The following ZNF774 variants were observed in gnomAD, a reference collection of about 807,000 sequenced individuals.
ZNF774 encodes zinc finger protein 774.
ZNF774 carries 14 observed loss-of-function variants against 11.1 expected under a neutral mutation model. The observed-to-expected ratio is 1.26, with a 90% CI of 0.83 to 1.97. The LOEUF (loss-of-function observed/expected upper bound fraction) is 1.97. Among genes scored for constraint, ZNF774 ranks in the 30% most tolerant of loss-of-function variants. The pLI, the probability that ZNF774 is intolerant of heterozygous loss-of-function variation, is 0.00. For missense variants in ZNF774, 599 were observed against 587.0 expected (o/e 1.02, Z -0.21); for synonymous variants, 195 against 212.6 (o/e 0.92, Z 0.72).
intron 1 of ZNF774, among the ~76,000 whole-genome samples, chr15:90,352,893 TC>T (rs540515868): frequency 6.6e-6 from 1 of 152,106 alleles, no homozygotes; most frequent in Non-Finnish European, 1.5e-5. Context: ...TCTCCCCTCC[TC>T]AGTGGCGCTG....
chr15:90,361,348 C>T lies in ZNF774; in HGVS notation c.*65C>T. ...TCATTGCTACTGTCTTCAAGCACCC[C>T]AAATAGAGAAAACCTGGGCGTCAGT... On this transcript the variant is annotated 3_prime_UTR_variant, in exon 4 of 4. Transcript: ENST00000354377. The T allele has an allele frequency of 1.3e-6, 2 of 1,512,896 alleles. No homozygotes were observed. Among genetic ancestry groups the T allele is most frequent in the East Asian group, 4.5e-5 (2 of 44,184 alleles). 93.7% of individuals were successfully genotyped at this position (1,512,896 alleles called of 1,614,324 possible). A position where few individuals can be genotyped will look rare whatever the true frequency, so the allele number is the denominator to read the frequency against.
At chr15:90,354,251 A>G (rs1020241289) in intron 1 of ZNF774, among the ~76,000 whole-genome samples, 4 of 152,214 alleles carry the variant, frequency 2.6e-5, no homozygotes, top group African/African-American at 9.6e-5. Flanking sequence ...AGTTAAGGCC[A>G]CAATTTCCTT....
chr15:90,355,912 C>G (rs1459854320), intron 2 of ZNF774, among the ~76,000 whole-genome samples: 1 of 149,760 alleles, frequency 6.7e-6, no homozygotes, highest in African/African-American at 2.5e-5. Flanking sequence ...ACCTGTAGTC[C>G]CAGCTACTCG....
At position 90,362,475 on chromosome 15, in the gene ZNF774, T is replaced by C; in HGVS notation, c.*1192T>C. 7.1e-7 allele frequency: 1 copy of C among 1,406,228 alleles called. No homozygotes were observed. The highest frequency in any genetic ancestry group is 9.7e-7 in the Non-Finnish European group (1 of 1,029,736). 87.1% of individuals were successfully genotyped at this position (1,406,228 alleles called of 1,614,324 possible). A position where few individuals can be genotyped will look rare whatever the true frequency, so the allele number is the denominator to read the frequency against. On this transcript the variant is annotated 3_prime_UTR_variant, in exon 4 of 4. Coordinates refer to ENST00000354377, the MANE Select transcript of ZNF774 (RefSeq NM_001004309.3). ...CTGGCATTTAGCTGAAGGAAGCAAC[T>C]CTTGTTTTCTAATTTGCTGGGTCAT...
In ZNF774 at chr15:90,358,899, A is replaced by G. The variant is rs1164964733; in HGVS notation, c.153A>G (p.Pro51=). The G allele has an allele frequency of 1.9e-6, 3 of 1,613,474 alleles. No homozygotes were observed. Among genetic ancestry groups the G allele is most frequent in the African/African-American group, 1.3e-5 (1 of 74,880 alleles). Residue 51 remains proline (P), a synonymous_variant, in exon 3 of 4, where the codon CCA becomes CCG. Coordinates refer to ENST00000354377, the MANE Select transcript of ZNF774 (RefSeq NM_001004309.3). The stretch of plus-strand genomic sequence containing the variant: ...CCCAGCCGGAGCAGAAAGAAGAGCC[A>G]TGGGTCCTACCACTCCAAAACTTTG... ...VISQPEQKEE[P]WVLPLQNFEA...
chr15:90,362,786 CTT>C lies in ZNF774; in HGVS notation c.*1505_*1506del. 1 of 483,926 alleles carries C rather than the reference CTT, an allele frequency of 2.1e-6. No homozygotes were observed. The highest frequency in any genetic ancestry group is 3.7e-6 in the Non-Finnish European group (1 of 273,424). 30.0% of individuals were successfully genotyped at this position (483,926 alleles called of 1,614,324 possible). A position where few individuals can be genotyped will look rare whatever the true frequency, so the allele number is the denominator to read the frequency against. ...ACACACACACACACACACACACACA[CTT>C]TGTTGGTTAACTATAAATGTAATAT... On this transcript the variant is annotated 3_prime_UTR_variant, in exon 4 of 4. Transcript: ENST00000354377.
In ZNF774 at chr15:90,361,483, A is replaced by G. The variant is rs1474691624; in HGVS notation, c.*200A>G. The G allele has an allele frequency of 1.5e-6, 2 of 1,366,674 alleles. No individual in the cohort carries two copies. Among genetic ancestry groups the G allele is most frequent in the Middle Eastern group, 2.8e-4 (1 of 3,632 alleles). The allele number at this position is 1,366,674 out of a possible 1,614,324, so 84.7% of individuals were successfully genotyped here. On this transcript the variant is annotated 3_prime_UTR_variant, in exon 4 of 4. Coordinates refer to ENST00000354377, the MANE Select transcript of ZNF774 (RefSeq NM_001004309.3). ...GTCCGAATACAAAAGGCATTCCTTC[A>G]GTGTGTGACTGACTCTTAGGGAAAT...
chr15:90,359,100 C>T, intron 3 of ZNF774, 143 bp downstream of exon 3: 1 of 528,228 alleles, frequency 1.9e-6, no homozygotes. Context: ...GAGTCTCGCT[C>T]TGTCGCCCAG....
At position 90,360,609 on chromosome 15, in the gene ZNF774, GAGA is replaced by G; in HGVS notation, c.781_783del (p.Lys261del). 1 of 1,614,180 alleles carries G rather than the reference GAGA, an allele frequency of 6.2e-7. No homozygotes were observed. The highest frequency in any genetic ancestry group is 8.5e-7 in the Non-Finnish European group (1 of 1,180,034). ...AATGCACCAAAGAACCCACACAGGC[GAGA>G]AGCCCTACGCGTGCCTGGAATGTCA... On this transcript the variant is annotated inframe_deletion, in exon 4 of 4. Coordinates refer to ENST00000354377, the MANE Select transcript of ZNF774 (RefSeq NM_001004309.3).
rs59687959 is a variant in ZNF774, at chr15:90,362,748, T to TAC, written c.*1502_*1503dup. ...CAAGGTTGTTGTGAGGATCTAAAAATACACACACACACACACACACACACA... is the reference window on the plus strand; with the variant it reads ...CAAGGTTGTTGTGAGGATCTAAAAATACACACACACACACACACACACACACA... On this transcript the variant is annotated 3_prime_UTR_variant, in exon 4 of 4. Transcript: ENST00000354377. 0.029 allele frequency: 14,356 copies of TAC among 488,574 alleles called. 149 individuals carry two copies. Among genetic ancestry groups the TAC allele is most frequent in the Middle Eastern group, 0.052 (94 of 1,800 alleles). 30.3% of individuals were successfully genotyped at this position (488,574 alleles called of 1,614,324 possible). A position where few individuals can be genotyped will look rare whatever the true frequency, so the allele number is the denominator to read the frequency against.
intron 2 of ZNF774, among the ~76,000 whole-genome samples, chr15:90,354,980 G>A (rs1964224535): frequency 6.6e-6 from 1 of 152,126 alleles, no homozygotes; most frequent in Admixed American, 6.6e-5. Flanking sequence ...GTTTTTAGTA[G>A]AGACAGGATT....
Position 90,361,038 on chromosome 15 carries a change from T to C in ZNF774, c.1207T>C (p.Tyr403His), listed in dbSNP as rs1349159413. 3.1e-6 allele frequency: 5 copies of C among 1,614,152 alleles called. No individual in the cohort carries two copies. The highest frequency in any genetic ancestry group is 4.2e-6 in the Non-Finnish European group (5 of 1,180,026). Residue 403 changes from tyrosine (Y) to histidine (H), a missense_variant, in exon 4 of 4, where the codon TAC becomes CAC. Coordinates refer to ENST00000354377, the MANE Select transcript of ZNF774 (RefSeq NM_001004309.3). ...ACGAATCCACACCGGAGAAAGACCC[T>C]ACAAATGTGGAGAGTGTGGGAAGAG... is the stretch of plus-strand genomic sequence containing the variant. Reference protein sequence around the residue: ...HQRIHTGERPYKCGECGKSFN... With the variant: ...HQRIHTGERPHKCGECGKSFN...
chr15:90,361,144 A>G lies in ZNF774; in HGVS notation c.1313A>G (p.Lys438Arg). Residue 438 changes from lysine to arginine, a missense_variant, in exon 4 of 4, where the codon AAG (lysine) becomes AGG (arginine). Lys to Arg is a conservative substitution (Grantham distance 26). Coordinates refer to ENST00000354377, the MANE Select transcript of ZNF774 (RefSeq NM_001004309.3). ...CCCTATCGATGTCCTGAGTGTGGCA[A>G]GACCTTCAATCAGCGTTCCCATTTC... ...DRPYRCPECG[K>R]TFNQRSHFLT... 2 of 1,611,086 alleles carry G rather than the reference A, an allele frequency of 1.2e-6. No individual in the cohort carries two copies. Among genetic ancestry groups the G allele is most frequent in the South Asian group, 1.1e-5 (1 of 91,080 alleles).
rs945957364 is a variant in ZNF774 at position 90,361,091 on chromosome 15, C to G, written c.1260C>G (p.Thr420=). 1 of 1,614,002 alleles carries G rather than the reference C, an allele frequency of 6.2e-7. No homozygotes were observed. Among genetic ancestry groups the G allele is most frequent in the Non-Finnish European group, 8.5e-7 (1 of 1,180,022 alleles). ...KSFNQSSHFI[T]HQRIHLGDRP... ...TCAATCAGAGCTCCCACTTTATTACCCATCAGCGAATCCACTTAGGAGACA... is the reference window on the plus strand; with the variant it reads ...TCAATCAGAGCTCCCACTTTATTACGCATCAGCGAATCCACTTAGGAGACA... The change falls in exon 4 of 4, where the codon ACC becomes ACG. Residue 420 remains threonine, a synonymous_variant. Transcript: ENST00000354377.
chr15:90,356,257 T>G (rs1363272769), intron 2 of ZNF774, among the ~76,000 whole-genome samples: 1 of 151,710 alleles, frequency 6.6e-6, no homozygotes, highest in African/African-American at 2.4e-5. Context: ...TTAGTAGAGA[T>G]GGGTTATCTC....
chr15:90,357,006 G>T (rs1345256466), intron 2 of ZNF774, among the ~76,000 whole-genome samples: 1 of 152,012 alleles, frequency 6.6e-6, no homozygotes, highest in African/African-American at 2.4e-5. Context: ...TTTTTAAAAA[G>T]TATTTTTTAT....
rs1298549746 is a variant in ZNF774 at position 90,352,308 on chromosome 15, T to A, written c.-123T>A. 1 of 152,340 alleles carries A rather than the reference T, an allele frequency of 6.6e-6. No homozygotes were observed. Among genetic ancestry groups the A allele is most frequent in the African/African-American group, 2.4e-5 (1 of 41,474 alleles). The allele number at this position is 152,340 out of a possible 1,614,324, so 9.4% of individuals were successfully genotyped here. On this transcript the variant is annotated 5_prime_UTR_variant, in exon 1 of 4. Transcript: ENST00000354377. ...TGTGTCCCCACAGCCCTGTCACGAA[T>A]CCCGGTCGGGTTCTGGGAGGCACAG...
Position 90,362,356 on chromosome 15 carries a change from C to G in ZNF774, c.*1073C>G. On this transcript the variant is annotated 3_prime_UTR_variant, in exon 4 of 4. Transcript: ENST00000354377. ...TGTCATCTGACACAGAGAAAATATC[C>G]TACAATGAACAAGCCAGAGGGACCT... is the stretch of plus-strand genomic sequence containing the variant. 1 of 570,464 alleles carries G rather than the reference C, an allele frequency of 1.8e-6. No homozygotes were observed. Among genetic ancestry groups the G allele is most frequent in the South Asian group, 2.2e-5 (1 of 45,230 alleles). The allele number at this position is 570,464 out of a possible 1,614,324, so 35.3% of individuals were successfully genotyped here.
intron 1 of ZNF774, among the ~76,000 whole-genome samples, chr15:90,353,219 G>A (rs1271966935): frequency 1.3e-5 from 2 of 152,042 alleles, no homozygotes; most frequent in East Asian, 1.9e-4. Flanking sequence ...CGCCCGTCTC[G>A]TCTTCCCAAA....
Sources: gnomAD v4.1 joint callset for allele counts (sites outside exome capture counted in the v4.1 genomes callset) on GRCh38, gnomAD v4.1.1 for gene constraint, MANE v1.5 for transcripts, NCBI Gene and HGNC (gene_info 2026-07-23, HGNC 2026-07-21) for gene names.